DNAAF9: variants seen among roughly 807,000 people sequenced by gnomAD.
DNAAF9 encodes the protein shulin.
In DNAAF9, 90 loss-of-function variants were observed where a neutral mutation model predicts 167.0. The observed-to-expected ratio is 0.54, with a 90% CI of 0.45 to 0.64. DNAAF9 has a LOEUF of 0.64. Ranked by LOEUF, DNAAF9 falls within the 30% of genes least tolerant of loss-of-function variation. DNAAF9 has a pLI of 0.00. For synonymous variants in DNAAF9, 491 were observed against 508.8 expected (o/e 0.96, Z 0.47); for missense variants, 1,315 against 1,442.2 (o/e 0.91, Z 1.43).
intron 27 of DNAAF9, among the ~76,000 whole-genome samples, chr20:3,283,462 A>T (rs2068796390): frequency 6.6e-6 from 1 of 152,202 alleles, no homozygotes. Context: ...GGGGGGCCTG[A>T]CAGCCCTCTG....
At chr20:3,327,317 A>C (rs987919228) in intron 12 of DNAAF9, among the ~76,000 whole-genome samples, 4 of 152,142 alleles carry the variant, frequency 2.6e-5, no homozygotes, top group Non-Finnish European at 5.9e-5. Context: ...GTAGCATTCC[A>C]GTTGTGATAA....
chr20:3,349,313 TC>T (rs1210511057), intron 7 of DNAAF9, among the ~76,000 whole-genome samples: 1 of 149,740 alleles, frequency 6.7e-6, no homozygotes, highest in Non-Finnish European at 1.5e-5. Flanking sequence ...GCCCAAGAGG[TC>T]CAAGTTGGAG....
intron 7 of DNAAF9, among the ~76,000 whole-genome samples, chr20:3,349,192 CA>C (rs148023287): frequency 5.1e-5 from 2 of 39,108 alleles, no homozygotes; most frequent in South Asian, 1.3e-3. Flanking sequence ...TCGTCTCTAC[CA>C]AAAAAAAAAA....
At chr20:3,318,104 CT>C (rs751838555) in intron 17 of DNAAF9, among the ~76,000 whole-genome samples, 184 bp downstream of exon 17, 20,982 of 132,456 alleles carry the variant, frequency 0.16, 1,281 homozygotes, top group Non-Finnish European at 0.19. Flanking sequence ...TAATGTTTCT[CT>C]TTTTTTTTTT....
intron 33 of DNAAF9, among the ~76,000 whole-genome samples, chr20:3,256,641 A>C (rs933595495): frequency 2.6e-5 from 4 of 152,182 alleles, no homozygotes; most frequent in Non-Finnish European, 5.9e-5. Context: ...GAAACACAAG[A>C]GAAAAAAAAG....
intron 17 of DNAAF9, among the ~76,000 whole-genome samples, chr20:3,317,957 CCTCT>C (rs1232417990): frequency 6.6e-6 from 1 of 152,046 alleles, no homozygotes; most frequent in African/African-American, 2.4e-5. Flanking sequence ...AAATAGTCCT[CCTCT>C]CTTTTTTGTT....
At chr20:3,370,572 G>C (rs1201431443) in intron 6 of DNAAF9, among the ~76,000 whole-genome samples, 2 of 152,038 alleles carry the variant, frequency 1.3e-5, no homozygotes, top group African/African-American at 2.4e-5. Context: ...ACCATGCCCA[G>C]CTAATTTTTG....
intron 16 of DNAAF9, among the ~76,000 whole-genome samples, chr20:3,318,909 T>C (rs938073841): frequency 6.6e-6 from 1 of 151,258 alleles, no homozygotes; most frequent in Non-Finnish European, 1.5e-5. Context: ...TGAAACCCCA[T>C]CTCTACTAAA....
intron 25 of DNAAF9, among the ~76,000 whole-genome samples, 161 bp downstream of exon 25, chr20:3,293,978 G>C (rs929870501): frequency 7.1e-6 from 1 of 140,180 alleles, no homozygotes; most frequent in African/African-American, 2.9e-5. Flanking sequence ...GTATACAGCA[G>C]GTTACATGTT....
At chr20:3,360,518 A>C (rs967741001) in intron 6 of DNAAF9, among the ~76,000 whole-genome samples, 1 of 152,182 alleles carries the variant, frequency 6.6e-6, no homozygotes, top group Non-Finnish European at 1.5e-5. Context: ...AATTGCTTTT[A>C]TTTTGGTATG....
chr20:3,366,543 C>T (rs1411972026), intron 6 of DNAAF9, among the ~76,000 whole-genome samples: 1 of 152,190 alleles, frequency 6.6e-6, no homozygotes, highest in Admixed American at 6.5e-5. Flanking sequence ...TGAGCACTGG[C>T]TTCAACTTAA....
At chr20:3,387,884 T>TAAAAAAAAAAAAAAAAAAA (rs557861791) in intron 1 of DNAAF9, among the ~76,000 whole-genome samples, 1 of 87,368 alleles carries the variant, frequency 1.1e-5, no homozygotes, top group African/African-American at 4.8e-5. Context: ...CTACAAAAAG[T>TAAAAAAAAAAAAAAAAAAA]AAAAAAAAAA....
chr20:3,285,987 A>AG (rs1767585429), intron 27 of DNAAF9, among the ~76,000 whole-genome samples: 1 of 152,154 alleles, frequency 6.6e-6, no homozygotes, highest in African/African-American at 2.4e-5. Context: ...TTCAAAAAAA[A>AG]AAAAGAAAAA....
intron 35 of DNAAF9, among the ~76,000 whole-genome samples, chr20:3,254,302 C>T (rs1360084129): frequency 1.3e-5 from 2 of 152,092 alleles, no homozygotes; most frequent in Non-Finnish European, 2.9e-5. Context: ...TGGTCTTGAA[C>T]TCCTGACCTC....
At chr20:3,398,097 C>A (rs1241341518) in intron 1 of DNAAF9, among the ~76,000 whole-genome samples, 1 of 152,198 alleles carries the variant, frequency 6.6e-6, no homozygotes, top group East Asian at 1.9e-4. Flanking sequence ...CTTTCCAGGG[C>A]TATCTCACTC....
At chr20:3,354,914 C>T (rs2083263664) in intron 7 of DNAAF9, among the ~76,000 whole-genome samples, 2 of 152,180 alleles carry the variant, frequency 1.3e-5, no homozygotes, top group African/African-American at 4.8e-5. Flanking sequence ...ATGGTGATCA[C>T]CACTGTTGCT....
intron 26 of DNAAF9, among the ~76,000 whole-genome samples, chr20:3,288,939 T>G (rs547479706): frequency 6.6e-6 from 1 of 151,930 alleles, no homozygotes; most frequent in African/African-American, 2.4e-5. Flanking sequence ...CCTCTACATT[T>G]GCTTGACCTG....
rs187526609 is a variant in DNAAF9, at chr20:3,279,036, G to C, written c.2613-87C>G. On this transcript the variant is annotated intron_variant, in intron 28 of 36. Coordinates refer to ENST00000252032, the MANE Select transcript of DNAAF9 (RefSeq NM_001009984.3). ...TTCCCATACAAATAGGAGTACCACT[G>C]ACAAGCAAATTGACTCACATGATGA... 4,584 of 958,624 alleles carry C rather than the reference G, an allele frequency of 4.8e-3. 16 individuals carry two copies. The highest frequency in any genetic ancestry group is 0.015 in the Middle Eastern group (71 of 4,654). The allele number at this position is 958,624 out of a possible 1,614,324, so 59.4% of individuals were successfully genotyped here.
At chr20:3,291,841 C>G (rs1007568670) in intron 25 of DNAAF9, among the ~76,000 whole-genome samples, 1 of 152,074 alleles carries the variant, frequency 6.6e-6, no homozygotes, top group Non-Finnish European at 1.5e-5. Context: ...TACACCGTAC[C>G]CCTTTCTACC....
Sources: gnomAD v4.1 joint callset for allele counts (sites outside exome capture counted in the v4.1 genomes callset) on GRCh38, gnomAD v4.1.1 for gene constraint, MANE v1.5 for transcripts, NCBI Gene and HGNC (gene_info 2026-07-23, HGNC 2026-07-21) for gene names.